The following MSRA variants were observed in gnomAD, a reference collection of about 807,000 sequenced individuals.
MSRA encodes methionine sulfoxide reductase A, also known as mitochondrial peptide methionine sulfoxide reductase.
MSRA carries 54 observed loss-of-function variants against 31.3 expected under a neutral mutation model. The ratio of observed to expected loss-of-function variants is 1.73; its 90% CI spans 1.39 to 2.17. The LOEUF (loss-of-function observed/expected upper bound fraction) is 2.17, where lower values mean the gene tolerates loss of function less well. Among genes scored for constraint, MSRA ranks in the 30% most tolerant of loss-of-function variants. The pLI is 0.00. For missense variants in MSRA, 507 were observed against 300.9 expected (o/e 1.69, Z -5.07); for synonymous variants, 169 against 116.5 (o/e 1.45, Z -2.90).
chr8:10,319,578 T>C (rs1354701604), intron 4 of MSRA, among the ~76,000 whole-genome samples: 1 of 151,756 alleles, frequency 6.6e-6, no homozygotes, highest in African/African-American at 2.4e-5. Context: ...TTGGAGTAGA[T>C]CGTTGTTTAA....
intron 3 of MSRA, chr8:10,250,692 G>A (rs1319514452): frequency 5.4e-6 from 3 of 550,932 alleles, no homozygotes; most frequent in Admixed American, 3.2e-5. Flanking sequence ...TGACCCTCTG[G>A]GGGTGGTGAT....
intron 5 of MSRA, among the ~76,000 whole-genome samples, chr8:10,357,956 C>T (rs151323009): frequency 6.6e-6 from 1 of 152,164 alleles, no homozygotes; most frequent in South Asian, 2.1e-4. Context: ...GAGTTTTACT[C>T]TTGTTGTCCA....
intron 3 of MSRA, among the ~76,000 whole-genome samples, chr8:10,298,469 G>A (rs1394954932): frequency 6.6e-6 from 1 of 152,028 alleles, no homozygotes; most frequent in African/African-American, 2.4e-5. Flanking sequence ...GGCCCAGTGG[G>A]AGCGGGCAAG....
chr8:10,088,438 A>G lies in MSRA; in HGVS notation c.142+33780A>G, dbSNP rs375868599. Among the ~76,000 whole-genome samples the G allele has an allele frequency of 6.0e-4, 92 of 152,322 alleles. No homozygotes were observed. The Middle Eastern group carries it at 0.01, about 17-fold the overall frequency. Reference sequence around the variant, plus strand: ...CTAAGATGTGGAAACTAAGATGTCTATCAAGGGAGGAACTGGCCAGGCGTG... The same window carrying G: ...CTAAGATGTGGAAACTAAGATGTCTGTCAAGGGAGGAACTGGCCAGGCGTG... On this transcript the variant is annotated intron_variant, in intron 1 of 5. Coordinates refer to ENST00000317173, the MANE Select transcript of MSRA (RefSeq NM_012331.5).
At chr8:10,074,205 C>G (rs934159633) in intron 1 of MSRA, among the ~76,000 whole-genome samples, 1 of 151,058 alleles carries the variant, frequency 6.6e-6, no homozygotes, top group Non-Finnish European at 1.5e-5. Flanking sequence ...GCCTTATCCT[C>G]CCGAGTACCT....
chr8:10,262,497 G>T (rs1798534418), intron 3 of MSRA, among the ~76,000 whole-genome samples: 1 of 152,036 alleles, frequency 6.6e-6, no homozygotes, highest in South Asian at 2.1e-4. Context: ...GTTTTCTTAT[G>T]CTTATTTGCT....
At chr8:10,281,910 T>G (rs1218913350) in intron 3 of MSRA, among the ~76,000 whole-genome samples, 3 of 152,212 alleles carry the variant, frequency 2.0e-5, no homozygotes, top group African/African-American at 7.2e-5. Flanking sequence ...TCCCTGCTTT[T>G]TAGATAAAGG....
intron 5 of MSRA, among the ~76,000 whole-genome samples, chr8:10,385,792 GTCACTCA>G (rs1806351821): frequency 7.2e-6 from 1 of 138,566 alleles, no homozygotes; most frequent in Non-Finnish European, 1.6e-5. Flanking sequence ...TGTGGATGTT[GTCACTCA>G]CCTGGTGGGG....
chr8:10,233,840 C>T (rs1362875041), intron 2 of MSRA, among the ~76,000 whole-genome samples: 1 of 151,908 alleles, frequency 6.6e-6, no homozygotes, highest in Admixed American at 6.6e-5. Flanking sequence ...ATATTTTAAG[C>T]CCTAAGCAAG....
At chr8:10,125,756 C>T (rs1801455053) in intron 1 of MSRA, among the ~76,000 whole-genome samples, 1 of 152,232 alleles carries the variant, frequency 6.6e-6, no homozygotes, top group Admixed American at 6.5e-5. Context: ...AAAGGTATTG[C>T]ACAATAGAAG....
At chr8:10,370,778 C>A (rs1805430721) in intron 5 of MSRA, among the ~76,000 whole-genome samples, 1 of 152,238 alleles carries the variant, frequency 6.6e-6, no homozygotes. Context: ...ATGGCATTCA[C>A]TGAAGAGGTC....
chr8:10,172,484 A>G (rs1035897657), intron 1 of MSRA, among the ~76,000 whole-genome samples: 4 of 152,164 alleles, frequency 2.6e-5, no homozygotes, highest in Non-Finnish European at 4.4e-5. Flanking sequence ...GCAGGTTTCT[A>G]GCTTGGAACT....
chr8:10,415,785 G>A (rs145805506), intron 5 of MSRA, among the ~76,000 whole-genome samples: 3 of 151,808 alleles, frequency 2.0e-5, no homozygotes, highest in Non-Finnish European at 4.4e-5. Context: ...GTTTGGTCAC[G>A]GAGTTTCTTC....
chr8:10,407,441 C>T (rs1423521272), intron 5 of MSRA, among the ~76,000 whole-genome samples: 4 of 152,080 alleles, frequency 2.6e-5, no homozygotes, highest in Non-Finnish European at 5.9e-5. Context: ...GATTTGTGAA[C>T]CATTCTGGAT....
intron 5 of MSRA, among the ~76,000 whole-genome samples, chr8:10,386,721 T>C (rs921660338): frequency 6.6e-6 from 1 of 152,096 alleles, no homozygotes. Context: ...TGAAAACCAC[T>C]GGTCTAATTT....
At chr8:10,067,200 C>T (rs886901015) in intron 1 of MSRA, among the ~76,000 whole-genome samples, 1 of 152,182 alleles carries the variant, frequency 6.6e-6, no homozygotes, top group Admixed American at 6.5e-5. Flanking sequence ...GAACCCCTTG[C>T]AACCACTGAA....
At chr8:10,087,846 G>T (rs1328481366) in intron 1 of MSRA, among the ~76,000 whole-genome samples, 1 of 152,156 alleles carries the variant, frequency 6.6e-6, no homozygotes, top group Non-Finnish European at 1.5e-5. Flanking sequence ...ATTTTCATGG[G>T]TTCTCCAAAT....
At chr8:10,191,793 A>G (rs1807533641) in intron 1 of MSRA, among the ~76,000 whole-genome samples, 1 of 152,034 alleles carries the variant, frequency 6.6e-6, no homozygotes, top group Non-Finnish European at 1.5e-5. Flanking sequence ...TTTCCTTTGG[A>G]AAAAAATTGC....
intron 1 of MSRA, among the ~76,000 whole-genome samples, chr8:10,109,988 A>G (rs187548362): frequency 6.6e-6 from 1 of 152,166 alleles, no homozygotes; most frequent in Non-Finnish European, 1.5e-5. Context: ...GTTCACCCTT[A>G]GTAGGCTGTA....
Sources: gnomAD v4.1 joint callset for allele counts (sites outside exome capture counted in the v4.1 genomes callset) on GRCh38, gnomAD v4.1.1 for gene constraint, MANE v1.5 for transcripts, NCBI Gene and HGNC (gene_info 2026-07-23, HGNC 2026-07-21) for gene names.